Variants in HTT observed in about 807,000 individuals in gnomAD.
HTT encodes the protein huntington disease protein.
Under a neutral mutation model 362.3 loss-of-function variants are expected in HTT, and 104 were observed. That is an observed-to-expected ratio of 0.29 (90% CI 0.24 to 0.34). HTT has a LOEUF of 0.34. Among genes scored for constraint, HTT ranks in the 10% least tolerant of loss-of-function variants. The probability of loss-of-function intolerance (pLI) is 1.00; values close to 1 mark genes in which losing one functional copy is unlikely to be tolerated. For synonymous variants in HTT, 1,577 were observed against 1,548.7 expected, an observed-to-expected ratio of 1.02 and a Z score of -0.43; for missense variants, 3,301 against 3,928.6, an observed-to-expected ratio of 0.84 and a Z score of 4.27.
intron 47 of HTT, among the ~76,000 whole-genome samples, chr4:3,210,561 A>G (rs1182920225): frequency 6.6e-6 from 1 of 152,152 alleles, no homozygotes; most frequent in East Asian, 1.9e-4. Context: ...AGGCCATGCA[A>G]AGCCTTGGTG....
chr4:3,089,212 C>T (rs1354521910), intron 2 of HTT, among the ~76,000 whole-genome samples: 4 of 152,012 alleles, frequency 2.6e-5, no homozygotes, highest in African/African-American at 4.8e-5. Context: ...GAGCGGGAAG[C>T]GTATCCCATT....
In HTT at chr4:3,212,208, C is replaced by G. The variant is rs1720192075; in HGVS notation, c.6628+66C>G. 3.3e-6 allele frequency: 4 copies of G among 1,216,604 alleles called. No homozygotes were observed. In the East Asian group the frequency reaches 1.0e-4, roughly 31 times the overall value. The allele number at this position is 1,216,604 out of a possible 1,614,324, so 75.4% of individuals were successfully genotyped here. ...CCAGGGCCAGTATAGTACTTTGCAC[C>G]AAGTAAATGTACAATAAAGGCAGTG... On this transcript the variant is annotated intron_variant, in intron 48 of 66. Transcript: ENST00000355072.
chr4:3,132,676 G>A lies in HTT; in HGVS notation c.2351G>A (p.Arg784His), dbSNP rs781477850. Residue 784 changes from arginine (R) to histidine (H), a missense_variant, in exon 17 of 67, where the codon CGC becomes CAC. By Grantham distance (29) the Arg-to-His change is conservative. Around this residue, in one of 4 missense-constraint regions of HTT, gnomAD observed 2,316 missense variants for 2,658.5 expected, o/e 0.87. Transcript: ENST00000355072. ...ATCTGCTCCATCCTCAGCAGGTCCCGCTTCCACGTGGGAGATTGGATGGGC... is the reference window on the plus strand; with the variant it reads ...ATCTGCTCCATCCTCAGCAGGTCCCACTTCCACGTGGGAGATTGGATGGGC... The part of the protein sequence containing the change: ...TLICSILSRS[R>H]FHVGDWMGTI... 13 of 1,613,990 alleles carry A rather than the reference G, an allele frequency of 8.1e-6. No homozygotes were observed. Among genetic ancestry groups the A allele is most frequent in the Admixed American group, 3.3e-5 (2 of 60,002 alleles).
chr4:3,235,621 C>T lies in HTT; in HGVS notation c.8628C>T (p.His2876=). The T allele has an allele frequency of 1.2e-6, 2 of 1,613,934 alleles. No homozygotes were observed. The highest frequency in any genetic ancestry group is 2.2e-5 in the South Asian group (2 of 91,086). Residue 2876 remains histidine (H), a synonymous_variant, in exon 63 of 67, where the codon CAC becomes CAT. Transcript: ENST00000355072. ...AGTCCACCCCCTCCATCATTTACCA[C>T]TGTGCCCTCAGAGGCCTGGAGCGCC... The part of the protein sequence containing the change: ...SEESTPSIIY[H]CALRGLERLL...
intron 59 of HTT, among the ~76,000 whole-genome samples, chr4:3,229,302 CCACACA>C (rs35275647): frequency 2.0e-4 from 28 of 140,742 alleles, no homozygotes; most frequent in Middle Eastern, 4.3e-3. Context: ...CATGCATGCA[CCACACA>C]CACACACACA....
chr4:3,228,473 T>C lies in HTT; in HGVS notation c.7849-142T>C. On this transcript the variant is annotated intron_variant, in intron 57 of 66. Coordinates refer to ENST00000355072, the MANE Select transcript of HTT (RefSeq NM_001388492.1). This position sits in a 1 kb window ranked among gnomAD's most constrained non-coding sequence, Gnocchi z 4.3. ...CCCTCTCTGTGGGCTCCCTTGCCCG[T>C]AACCTGGGGTGTCTGAACGACCCTT... The C allele has an allele frequency of 1.1e-6, 1 of 887,886 alleles. No individual in the cohort carries two copies. The highest frequency in any genetic ancestry group is 1.6e-6 in the Non-Finnish European group (1 of 616,838). The allele number at this position is 887,886 out of a possible 1,614,324, so 55.0% of individuals were successfully genotyped here. A position where few individuals can be genotyped will look rare whatever the true frequency, so the allele number is the denominator to read the frequency against.
chr4:3,123,710 T>G (rs1379514980), intron 10 of HTT, among the ~76,000 whole-genome samples: 1 of 152,166 alleles, frequency 6.6e-6, no homozygotes, highest in Non-Finnish European at 1.5e-5. Context: ...AAAGTTTCCT[T>G]TGTTGGGTTA....
intron 29 of HTT, among the ~76,000 whole-genome samples, chr4:3,169,520 C>T (rs904011267): frequency 5.3e-5 from 8 of 150,460 alleles, no homozygotes; most frequent in Non-Finnish European, 8.9e-5. Context: ...ATCTTTTCTT[C>T]TACAGTGTCT....
intron 22 of HTT, 128 bp from the exon 23 acceptor site, chr4:3,142,638 C>T (rs1280275338): frequency 1.6e-5 from 8 of 504,710 alleles, no homozygotes; most frequent in South Asian, 8.8e-5. Flanking sequence ...ATTTTCAGCC[C>T]GTTTCACTTA....
chr4:3,137,891 A>T (rs1716145081), intron 21 of HTT, among the ~76,000 whole-genome samples: 1 of 152,168 alleles, frequency 6.6e-6, no homozygotes, highest in African/African-American at 2.4e-5. Context: ...TATCCATCAG[A>T]TGGATATTAT....
intron 10 of HTT, 127 bp from the exon 11 acceptor site, chr4:3,125,422 A>G (rs1715477993): frequency 1.9e-5 from 11 of 593,356 alleles, no homozygotes; most frequent in Middle Eastern, 3.6e-4. Flanking sequence ...AAATACTTAT[A>G]TATGATGATA....
chr4:3,111,535 T>C (rs1465501194), intron 6 of HTT, among the ~76,000 whole-genome samples: 1 of 152,146 alleles, frequency 6.6e-6, no homozygotes, highest in Non-Finnish European at 1.5e-5. Flanking sequence ...TTGAGTCAGC[T>C]AGTATCCCTG....
intron 48 of HTT, among the ~76,000 whole-genome samples, chr4:3,212,343 C>T (rs1720199036): frequency 6.6e-6 from 1 of 152,208 alleles, no homozygotes; most frequent in Non-Finnish European, 1.5e-5. Context: ...TTGACATGGT[C>T]ATGGACATAG....
At chr4:3,172,297 A>G (rs368791301) in intron 29 of HTT, 23 bp from the exon 30 acceptor site, 1 of 1,401,476 alleles carries the variant, frequency 7.1e-7, no homozygotes, top group Non-Finnish European at 1.0e-6. Flanking sequence ...GAGTCGCTTA[A>G]TGTCTCACTT....
At chr4:3,149,669 C>T (rs1245174266) in intron 26 of HTT, among the ~76,000 whole-genome samples, 1 of 152,146 alleles carries the variant, frequency 6.6e-6, no homozygotes, top group Non-Finnish European at 1.5e-5. Flanking sequence ...TTGTCTTCTA[C>T]CTTTAAAAAT....
intron 64 of HTT, among the ~76,000 whole-genome samples, chr4:3,237,587 G>A (rs73074847): frequency 0.015 from 2,217 of 152,168 alleles, 46 homozygotes; most frequent in African/African-American, 0.051. Context: ...ACGCCACAGG[G>A]AGGCACCTCG....
chr4:3,189,844 G>T (rs1718931515), intron 40 of HTT, among the ~76,000 whole-genome samples: 1 of 152,056 alleles, frequency 6.6e-6, no homozygotes, highest in Admixed American at 6.6e-5. Context: ...CAGCAACATG[G>T]TAGGACCCCA....
chr4:3,109,383 G>C (rs1264214178), intron 6 of HTT, among the ~76,000 whole-genome samples: 1 of 151,790 alleles, frequency 6.6e-6, no homozygotes, highest in Non-Finnish European at 1.5e-5. Flanking sequence ...GCATCACCAC[G>C]CTCGGCTAAT....
chr4:3,201,444 C>T (rs999691206), intron 41 of HTT, among the ~76,000 whole-genome samples: 3 of 149,256 alleles, frequency 2.0e-5, no homozygotes, highest in Admixed American at 6.8e-5. Context: ...GCGGGAGAAT[C>T]GCTTGAACCT....
Sources: allele counts gnomAD v4.1 joint callset (sites outside exome capture counted in the v4.1 genomes callset), GRCh38; gene constraint gnomAD v4.1.1; regional missense constraint gnomAD v4.1.1; non-coding constraint Gnocchi (gnomAD v3.1); transcripts MANE v1.5; gene names NCBI Gene and HGNC (gene_info 2026-07-23, HGNC 2026-07-21).